Variants in DPP6 observed in about 807,000 individuals in gnomAD.
DPP6 encodes A-type potassium channel modulatory protein DPP6.
In DPP6, 69 loss-of-function variants were observed where a neutral mutation model predicts 122.6. That is an observed-to-expected ratio of 0.56 (90% CI 0.46 to 0.69). The LOEUF is 0.69. Among genes scored for constraint, DPP6 ranks in the 30% least tolerant of loss-of-function variants. The pLI is 0.00. For missense variants in DPP6, 928 were observed against 1,116.9 expected (o/e 0.83, Z 2.41); for synonymous variants, 418 against 433.1 (o/e 0.97, Z 0.43).
At chr7:154,297,130 T>C (rs1422759428) in intron 1 of DPP6, among the ~76,000 whole-genome samples, 1 of 104,022 alleles carries the variant, frequency 9.6e-6, no homozygotes, top group African/African-American at 5.5e-5. Context: ...TATCAGAAGA[T>C]TTTTTTTTTA....
intron 1 of DPP6, among the ~76,000 whole-genome samples, chr7:154,431,855 G>A (rs755350252): frequency 5.9e-5 from 9 of 151,968 alleles, no homozygotes; most frequent in Non-Finnish European, 1.2e-4. Context: ...TTTCTTACCC[G>A]ACTTCCTTGG....
rs1027456745 is a variant in DPP6, at chr7:154,852,439, A to G, written c.1667-1341A>G. ...TTCCTCTTTCTCCCTGCATCTTCCC[A>G]CAATCCACCTGAGCCAAAGGGACAG... On this transcript the variant is annotated intron_variant, in intron 16 of 25. Transcript: ENST00000377770. Among the ~76,000 whole-genome samples the G allele has an allele frequency of 5.4e-5, 8 of 147,904 alleles. No homozygotes were observed. In the South Asian group the frequency reaches 6.4e-4, roughly 12 times the overall value.
At chr7:154,204,501 C>A (rs1035425491) in intron 1 of DPP6, among the ~76,000 whole-genome samples, 1 of 152,160 alleles carries the variant, frequency 6.6e-6, no homozygotes, top group African/African-American at 2.4e-5. Context: ...AAGGGTGCTT[C>A]TGATATCAAA....
At chr7:153,891,101 A>G (rs995318777) in intron 1 of DPP6, among the ~76,000 whole-genome samples, 3 of 142,608 alleles carry the variant, frequency 2.1e-5, no homozygotes, top group African/African-American at 5.3e-5. Context: ...GGCTCACTGC[A>G]AGCTCCGCCT....
chr7:153,907,923 G>T (rs1277051972), intron 1 of DPP6, among the ~76,000 whole-genome samples: 1 of 151,956 alleles, frequency 6.6e-6, no homozygotes, highest in Non-Finnish European at 1.5e-5. Context: ...TGGAGGCATG[G>T]TAAGTGTTTT....
chr7:154,387,074 G>T (rs1363935294), intron 1 of DPP6, among the ~76,000 whole-genome samples: 2 of 152,112 alleles, frequency 1.3e-5, no homozygotes, highest in African/African-American at 2.4e-5. Context: ...TAGGCAAGGG[G>T]CGAAAGAGTG....
intron 1 of DPP6, among the ~76,000 whole-genome samples, chr7:154,223,664 G>A (rs76924044): frequency 0.014 from 2,086 of 149,292 alleles, 305 homozygotes; most frequent in African/African-American, 0.051. Context: ...CCTGTTGGGC[G>A]GGGGCAGATG....
rs1048375439 is a variant in DPP6, at chr7:154,510,555, C to T, written c.458-29977C>T. 4.0e-5 allele frequency among the ~76,000 whole-genome samples: 6 copies of T among 151,840 alleles called. No homozygotes were observed. In the South Asian group the frequency reaches 6.2e-4, roughly 16 times the overall value. ...TCTATTAAAAATACAAAAAATTAGCCGGGTGTGATAGCAGGTGCCTGTAAT... is the reference window on the plus strand; with the variant it reads ...TCTATTAAAAATACAAAAAATTAGCTGGGTGTGATAGCAGGTGCCTGTAAT... On this transcript the variant is annotated intron_variant, in intron 3 of 25. Coordinates refer to ENST00000377770, the MANE Select transcript of DPP6 (RefSeq NM_130797.4).
chr7:154,515,539 G>A (rs1018254933), intron 3 of DPP6, among the ~76,000 whole-genome samples: 3 of 151,438 alleles, frequency 2.0e-5, no homozygotes, highest in Non-Finnish European at 4.4e-5. Context: ...GCAGTGGTGC[G>A]CTCTCGGCTC....
At chr7:154,110,568 C>T (rs1483409920) in intron 1 of DPP6, among the ~76,000 whole-genome samples, 1 of 152,114 alleles carries the variant, frequency 6.6e-6, no homozygotes, top group Admixed American at 6.5e-5. Flanking sequence ...AACAATAGAG[C>T]AGAAGGGAGA....
chr7:154,560,183 G>A (rs947568650), intron 4 of DPP6, among the ~76,000 whole-genome samples: 12 of 151,912 alleles, frequency 7.9e-5, no homozygotes, highest in African/African-American at 2.9e-4. Context: ...GTTTTGGGTG[G>A]AAATTTTTGT....
the DPP6 span, among the ~76,000 whole-genome samples, chr7:153,879,908 C>A: frequency 9.9e-5 from 15 of 151,994 alleles, 1 homozygote; most frequent in Admixed American, 5.9e-4. Context: ...TAGAGGTGGG[C>A]CCAAAAGTCC....
At chr7:154,813,782 A>G (rs1799228909) in intron 16 of DPP6, among the ~76,000 whole-genome samples, 2 of 152,060 alleles carry the variant, frequency 1.3e-5, no homozygotes, top group South Asian at 4.1e-4. Context: ...TTTGGCATAC[A>G]TACTTAATTG....
At chr7:154,429,616 G>A (rs554185592) in intron 1 of DPP6, among the ~76,000 whole-genome samples, 32 of 152,322 alleles carry the variant, frequency 2.1e-4, no homozygotes, top group African/African-American at 7.0e-4. Flanking sequence ...CAACACAAAC[G>A]CTGTTTATTT....
chr7:154,062,161 G>A (rs1289324317), intron 1 of DPP6, among the ~76,000 whole-genome samples: 2 of 101,810 alleles, frequency 2.0e-5, no homozygotes, highest in African/African-American at 7.1e-5. Context: ...CACCGGCTTA[G>A]GACCCACATC....
intron 21 of DPP6, 133 bp from the exon 22 acceptor site, chr7:154,885,500 C>T (rs1430215960): frequency 7.8e-7 from 1 of 1,290,242 alleles, no homozygotes; most frequent in African/African-American, 1.5e-5. Flanking sequence ...AACAACTTTC[C>T]AAGTGACACA....
chr7:154,324,753 A>G (rs1808277387), intron 1 of DPP6, among the ~76,000 whole-genome samples: 1 of 152,096 alleles, frequency 6.6e-6, no homozygotes. Context: ...AGCCTCAGGC[A>G]TCCCTCGGCC....
chr7:154,575,611 ATGTGTGTGTGG>A (rs1177778767), intron 5 of DPP6, among the ~76,000 whole-genome samples: 26 of 60,242 alleles, frequency 4.3e-4, no homozygotes, highest in African/African-American at 9.5e-4. Flanking sequence ...TGGTGTGTGT[ATGTGTGTGTGG>A]TGTGTGTGTG....
At chr7:154,060,716 G>GC (rs1282023602) in intron 1 of DPP6, among the ~76,000 whole-genome samples, 1 of 126,812 alleles carries the variant, frequency 7.9e-6, no homozygotes. Context: ...CCCCATCGCA[G>GC]GGGGGGAGGC....
Sources: gnomAD v4.1 joint callset for allele counts (sites outside exome capture counted in the v4.1 genomes callset) on GRCh38, gnomAD v4.1.1 for gene constraint, MANE v1.5 for transcripts, NCBI Gene and HGNC (gene_info 2026-07-23, HGNC 2026-07-21) for gene names.